Variants in SOX5 observed in about 807,000 individuals in gnomAD.
SOX5 encodes transcription factor SOX-5.
In SOX5, 9 loss-of-function variants were observed where a neutral mutation model predicts 92.0. The ratio of observed to expected loss-of-function variants is 0.10; its 90% CI spans 0.06 to 0.17. SOX5 has a LOEUF of 0.17. Ranked by LOEUF, SOX5 falls within the 10% of genes least tolerant of loss-of-function variation. SOX5 has a pLI of 1.00. For synonymous variants in SOX5, 344 were observed against 336.3 expected (o/e 1.02, Z -0.25); for missense variants, 642 against 944.5 (o/e 0.68, Z 4.20).
intron 2 of SOX5, among the ~76,000 whole-genome samples, chr12:23,868,317 A>T (rs1055258093): frequency 7.9e-5 from 12 of 152,088 alleles, no homozygotes; most frequent in African/African-American, 2.9e-4. Context: ...TTAATTATTT[A>T]TCTAATTTTT....
intron 4 of SOX5, among the ~76,000 whole-genome samples, chr12:24,191,910 C>T (rs764431241): frequency 6.6e-6 from 1 of 152,102 alleles, no homozygotes; most frequent in East Asian, 1.9e-4. Flanking sequence ...CATACAGAAT[C>T]GAGATCAGGT....
At chr12:23,722,907 A>T (rs2092899752) in intron 6 of SOX5, among the ~76,000 whole-genome samples, 1 of 152,190 alleles carries the variant, frequency 6.6e-6, no homozygotes, top group African/African-American at 2.4e-5. Context: ...TTTTCTTCTC[A>T]GCTTGAAGCA....
At chr12:24,275,020 G>A (rs1944270366) in intron 3 of SOX5, among the ~76,000 whole-genome samples, 2 of 141,292 alleles carry the variant, frequency 1.4e-5, no homozygotes, top group African/African-American at 5.3e-5. Flanking sequence ...TACTGAGCAG[G>A]AATCCTCATT....
At chr12:23,997,142 C>T (rs576158044) in intron 4 of SOX5, among the ~76,000 whole-genome samples, 32 of 152,236 alleles carry the variant, frequency 2.1e-4, no homozygotes, top group African/African-American at 5.8e-4. Context: ...AATATTTATT[C>T]ATGTAAATCT....
At chr12:24,324,217 TAA>T (rs1399832640) in intron 2 of SOX5, among the ~76,000 whole-genome samples, 1 of 152,130 alleles carries the variant, frequency 6.6e-6, no homozygotes, top group African/African-American at 2.4e-5. Context: ...ATTAGTTCAT[TAA>T]AAGTTTTGTT....
intron 6 of SOX5, among the ~76,000 whole-genome samples, chr12:23,703,072 C>A (rs749561676): frequency 2.0e-5 from 3 of 152,048 alleles, no homozygotes; most frequent in African/African-American, 7.2e-5. Flanking sequence ...TTGCAGCCAG[C>A]TGGCTCCATA....
chr12:24,093,733 T>C (rs1410864358), intron 4 of SOX5, among the ~76,000 whole-genome samples: 1 of 150,722 alleles, frequency 6.6e-6, no homozygotes, highest in Non-Finnish European at 1.5e-5. Context: ...CAATGGACGG[T>C]CTTGTACAAG....
intron 2 of SOX5, among the ~76,000 whole-genome samples, chr12:24,346,623 T>C (rs1048613941): frequency 1.3e-5 from 2 of 152,064 alleles, no homozygotes; most frequent in Admixed American, 1.3e-4. Context: ...CAGCTAATTT[T>C]TGTACTTTTA....
chr12:23,928,322 C>T (rs954069233), intron 1 of SOX5, among the ~76,000 whole-genome samples: 1 of 151,988 alleles, frequency 6.6e-6, no homozygotes, highest in Non-Finnish European at 1.5e-5. Flanking sequence ...TCCTCTCTAT[C>T]CTTAATGTTG....
chr12:23,901,664 T>A (rs1158944015), intron 1 of SOX5, among the ~76,000 whole-genome samples: 1 of 152,210 alleles, frequency 6.6e-6, no homozygotes, highest in Admixed American at 6.5e-5. Flanking sequence ...CTTGATATAT[T>A]TTACACTTAT....
At chr12:23,975,422 T>C (rs915163435) in intron 4 of SOX5, among the ~76,000 whole-genome samples, 5 of 152,168 alleles carry the variant, frequency 3.3e-5, no homozygotes, top group South Asian at 2.1e-4. Flanking sequence ...TCTTCATATA[T>C]CTAGATATAA....
chr12:24,316,381 C>G (rs934915321), intron 2 of SOX5, among the ~76,000 whole-genome samples: 1 of 152,164 alleles, frequency 6.6e-6, no homozygotes, highest in Admixed American at 6.5e-5. Context: ...TCATTTGCCT[C>G]TTTCTGACAT....
At chr12:24,486,546 C>A (rs1239010934) in intron 1 of SOX5, among the ~76,000 whole-genome samples, 1 of 152,198 alleles carries the variant, frequency 6.6e-6, no homozygotes, top group Non-Finnish European at 1.5e-5. Context: ...TTGGGAGGTA[C>A]CTTGTCCCCT....
At chr12:23,534,706 T>A (rs995181076) in intron 14 of SOX5, among the ~76,000 whole-genome samples, 184 bp from the exon 15 acceptor site, 7 of 67,078 alleles carry the variant, frequency 1.0e-4, no homozygotes, top group African/African-American at 4.5e-4. Context: ...TTTCTTTTCT[T>A]TTTTTTTTTT....
chr12:23,985,212 GT>G (rs1356299831), intron 4 of SOX5, among the ~76,000 whole-genome samples: 1 of 150,158 alleles, frequency 6.7e-6, no homozygotes, highest in African/African-American at 2.4e-5. Context: ...AGATGATTAG[GT>G]TTTTATTGTA....
At chr12:23,808,006 G>A (rs962230731) in intron 3 of SOX5, among the ~76,000 whole-genome samples, 1 of 152,018 alleles carries the variant, frequency 6.6e-6, no homozygotes, top group East Asian at 1.9e-4. Flanking sequence ...GTAGTCCTAA[G>A]AAACTAGTAC....
At chr12:24,322,819 C>A (rs1384442896) in intron 2 of SOX5, among the ~76,000 whole-genome samples, 2 of 151,226 alleles carry the variant, frequency 1.3e-5, no homozygotes, top group African/African-American at 4.8e-5. Flanking sequence ...GTGGACCAGA[C>A]AAAGTATCAA....
intron 1 of SOX5, among the ~76,000 whole-genome samples, chr12:24,546,467 C>T (rs566093612): frequency 7.9e-5 from 12 of 152,162 alleles, no homozygotes; most frequent in Non-Finnish European, 1.8e-4. Flanking sequence ...AGCCTCATCT[C>T]GGCTAGTCCT....
intron 1 of SOX5, among the ~76,000 whole-genome samples, chr12:24,536,995 C>T (rs1164005646): frequency 6.6e-6 from 1 of 152,168 alleles, no homozygotes; most frequent in African/African-American, 2.4e-5. Flanking sequence ...TTTCATTCTT[C>T]CGTGTGCATT....
Sources: gnomAD v4.1 joint callset for allele counts (sites outside exome capture counted in the v4.1 genomes callset) on GRCh38, gnomAD v4.1.1 for gene constraint, MANE v1.5 for transcripts, NCBI Gene and HGNC (gene_info 2026-07-23, HGNC 2026-07-21) for gene names.